The following UNC5C variants were observed in gnomAD, a reference collection of about 807,000 sequenced individuals.
UNC5C encodes the protein netrin receptor UNC5C.
A neutral mutation model predicts 99.8 loss-of-function variants in UNC5C; 47 were observed. The ratio of observed to expected loss-of-function variants is 0.47; its 90% CI spans 0.37 to 0.60. The LOEUF (loss-of-function observed/expected upper bound fraction) is 0.60, where lower values mean the gene tolerates loss of function less well. Among genes scored for constraint, UNC5C ranks in the 20% least tolerant of loss-of-function variants. The probability of loss-of-function intolerance (pLI) is 0.00; values close to 1 mark genes in which losing one functional copy is unlikely to be tolerated. For synonymous variants in UNC5C, 487 were observed against 452.2 expected, an observed-to-expected ratio of 1.08 and a Z score of -0.98; for missense variants, 1,062 against 1,165.9, an observed-to-expected ratio of 0.91 and a Z score of 1.30.
At chr4:95,241,469 A>C (rs573541563) in intron 7 of UNC5C, among the ~76,000 whole-genome samples, 5 of 152,338 alleles carry the variant, frequency 3.3e-5, no homozygotes, top group African/African-American at 1.2e-4. Context: ...GTAAAAACAA[A>C]ATATTTTATT....
chr4:95,343,975 G>A (rs949976108), intron 1 of UNC5C, among the ~76,000 whole-genome samples: 5 of 152,008 alleles, frequency 3.3e-5, no homozygotes, highest in African/African-American at 7.2e-5. Context: ...AAATCTAAGA[G>A]TTATTGGCCT....
At chr4:95,385,625 T>C (rs1010162372) in intron 1 of UNC5C, among the ~76,000 whole-genome samples, 1 of 152,186 alleles carries the variant, frequency 6.6e-6, no homozygotes, top group African/African-American at 2.4e-5. Flanking sequence ...AACCTATTCT[T>C]ACAACAAAAT....
intron 2 of UNC5C, among the ~76,000 whole-genome samples, chr4:95,323,110 A>G (rs1393594125): frequency 1.3e-5 from 2 of 152,188 alleles, no homozygotes; most frequent in African/African-American, 4.8e-5. Context: ...AGATTCATTC[A>G]CAGTACTGCA....
intron 2 of UNC5C, among the ~76,000 whole-genome samples, chr4:95,326,498 T>C (rs1226676675): frequency 2.0e-5 from 3 of 152,192 alleles, no homozygotes; most frequent in African/African-American, 7.2e-5. Flanking sequence ...ATGATTTCTA[T>C]GGAATTTTGA....
chr4:95,381,903 G>T (rs981413291), intron 1 of UNC5C, among the ~76,000 whole-genome samples: 1 of 152,134 alleles, frequency 6.6e-6, no homozygotes, highest in African/African-American at 2.4e-5. Flanking sequence ...TGGAATGCAG[G>T]TATAGGTGTG....
intron 7 of UNC5C, among the ~76,000 whole-genome samples, chr4:95,237,860 GGT>G (rs1739178265): frequency 6.6e-6 from 1 of 152,084 alleles, no homozygotes; most frequent in African/African-American, 2.4e-5. Context: ...TGGCCAACAT[GGT>G]AAAACCCTGT....
rs1374268258 is a variant in UNC5C, at chr4:95,237,331, C to T, written c.1108+5098G>A. 2.6e-5 allele frequency among the ~76,000 whole-genome samples: 4 copies of T among 152,208 alleles called. 1 individual carries two copies. The highest frequency in any genetic ancestry group is 1.3e-4 in the Admixed American group (2 of 15,282). On this transcript the variant is annotated intron_variant, in intron 7 of 15. Coordinates refer to ENST00000453304, the MANE Select transcript of UNC5C (RefSeq NM_003728.4). ...CTTTAAAACTCTTGACTTATATTGT[C>T]AAATTGCTTCCCCATAAAAATTTTT... is the stretch of plus-strand genomic sequence containing the variant.
chr4:95,545,772 G>GCGCACACA (rs6148582), intron 1 of UNC5C, among the ~76,000 whole-genome samples: 389 of 148,394 alleles, frequency 2.6e-3, no homozygotes, highest in African/African-American at 8.1e-3. Context: ...GCGCGCGCGC[G>GCGCACACA]CACACACACA....
chr4:95,191,575 C>G (rs574926367), intron 12 of UNC5C, among the ~76,000 whole-genome samples: 57 of 151,820 alleles, frequency 3.8e-4, no homozygotes, highest in African/African-American at 1.3e-3. Context: ...CACCCTCCTC[C>G]TCTATTCACC....
At position 95,219,110 on chromosome 4, in the gene UNC5C, A is replaced by T; in HGVS notation, c.1504T>A (p.Ser502Thr). Residue 502 changes from serine (S) to threonine (T), a missense_variant, in exon 9 of 16, where the codon TCC (serine) becomes ACC (threonine). Ser to Thr is a moderately conservative substitution (Grantham distance 58, BLOSUM62 1). This residue lies in a region of UNC5C where 810 missense variants were observed against 854.5 expected (regional missense o/e 0.95). Transcript: ENST00000453304. ...DDLSEFTSKL[S>T]PQMTQSLLEN... ...AACAACGACTGGGTCATCTGAGGGG[A>T]CAGCTTGGACGTAAACTCAGAGAGG... 2 of 1,614,102 alleles carry T rather than the reference A, an allele frequency of 1.2e-6. No individual in the cohort carries two copies. Among genetic ancestry groups the T allele is most frequent in the Non-Finnish European group, 1.7e-6 (2 of 1,180,010 alleles).
intron 1 of UNC5C, among the ~76,000 whole-genome samples, chr4:95,466,089 A>T (rs1315657744): frequency 1.3e-5 from 2 of 152,194 alleles, no homozygotes; most frequent in Non-Finnish European, 2.9e-5. Context: ...CCCAGAGAAA[A>T]AGGAGAGGGA....
At chr4:95,515,876 G>A (rs936592354) in intron 1 of UNC5C, among the ~76,000 whole-genome samples, 1 of 152,164 alleles carries the variant, frequency 6.6e-6, no homozygotes, top group Non-Finnish European at 1.5e-5. Context: ...TCTAAACAGT[G>A]TATATAGATG....
At chr4:95,190,279 G>A (rs1196229356) in intron 12 of UNC5C, among the ~76,000 whole-genome samples, 2 of 130,958 alleles carry the variant, frequency 1.5e-5, no homozygotes, top group Non-Finnish European at 3.1e-5. Flanking sequence ...TCATAGGTGG[G>A]AATTGAACAA....
chr4:95,220,061 G>A lies in UNC5C; in HGVS notation c.1224C>T (p.Asp408=). 4 of 1,614,130 alleles carry A rather than the reference G, an allele frequency of 2.5e-6. No homozygotes were observed. Among genetic ancestry groups the A allele is most frequent in the Non-Finnish European group, 3.4e-6 (4 of 1,180,002 alleles). ...AAGAGTCAATAATATCTGACTCAAAGTCACGATGATTCTTCCGATACACAA... is the reference window on the plus strand; with the variant it reads ...AAGAGTCAATAATATCTGACTCAAAATCACGATGATTCTTCCGATACACAA... ...ALFVYRKNHR[D]FESDIIDSSA... Residue 408 remains aspartate (D), a synonymous_variant, in exon 8 of 16, where the codon GAC becomes GAT. Transcript: ENST00000453304.
intron 1 of UNC5C, among the ~76,000 whole-genome samples, chr4:95,468,658 C>T (rs73838875): frequency 0.049 from 7,424 of 152,156 alleles, 527 homozygotes; most frequent in African/African-American, 0.15. Flanking sequence ...ATAATGTTCT[C>T]TCTATGGAGG....
chr4:95,499,524 A>G (rs964761105), intron 1 of UNC5C, among the ~76,000 whole-genome samples: 4 of 152,106 alleles, frequency 2.6e-5, no homozygotes, highest in Non-Finnish European at 5.9e-5. Context: ...TCTCACTCCC[A>G]TGCACTTTTC....
intron 2 of UNC5C, among the ~76,000 whole-genome samples, chr4:95,321,078 G>A (rs1458066778): frequency 6.6e-6 from 1 of 152,110 alleles, no homozygotes; most frequent in African/African-American, 2.4e-5. Flanking sequence ...TAGACCATAT[G>A]TGTGCAATAA....
At chr4:95,214,617 G>T (rs1027450750) in intron 10 of UNC5C, among the ~76,000 whole-genome samples, 2 of 152,226 alleles carry the variant, frequency 1.3e-5, no homozygotes, top group Non-Finnish European at 1.5e-5. Flanking sequence ...GCCCCTTAAG[G>T]CTTGATCTTC....
intron 2 of UNC5C, among the ~76,000 whole-genome samples, chr4:95,330,572 A>G (rs1743071746): frequency 6.6e-6 from 1 of 152,078 alleles, no homozygotes. Context: ...TTGGTTGGTG[A>G]TACAAATTTT....
Sources: allele counts gnomAD v4.1 joint callset (sites outside exome capture counted in the v4.1 genomes callset), GRCh38; gene constraint gnomAD v4.1.1; regional missense constraint gnomAD v4.1.1; transcripts MANE v1.5; gene names NCBI Gene and HGNC (gene_info 2026-07-23, HGNC 2026-07-21).